Variants in FANK1 observed in about 807,000 individuals in gnomAD.
FANK1 encodes fibronectin type 3 and ankyrin repeat domains protein 1.
In FANK1, 44 loss-of-function variants were observed where a neutral mutation model predicts 45.3. The observed-to-expected ratio is 0.97, with a 90% CI of 0.76 to 1.25. The LOEUF is 1.25. Among genes scored for constraint, FANK1 ranks in the 50% most tolerant of loss-of-function variants. The probability of loss-of-function intolerance (pLI) is 0.00; values close to 1 mark genes in which losing one functional copy is unlikely to be tolerated. For synonymous variants in FANK1, 149 were observed against 152.5 expected (o/e 0.98, Z 0.17); for missense variants, 391 against 424.4 (o/e 0.92, Z 0.69).
At chr10:125,914,942 A>G (rs1946329818) in intron 1 of FANK1, among the ~76,000 whole-genome samples, 1 of 152,142 alleles carries the variant, frequency 6.6e-6, no homozygotes, top group Admixed American at 6.6e-5. Flanking sequence ...TCTGAGAGTG[A>G]GCTTGGCAGG....
At chr10:126,001,670 T>TGGC (rs1487670031) in intron 6 of FANK1, among the ~76,000 whole-genome samples, 1 of 152,144 alleles carries the variant, frequency 6.6e-6, no homozygotes, top group Non-Finnish European at 1.5e-5. Context: ...TGAGTTCAGA[T>TGGC]GGCAGTTGGG....
intron 1 of FANK1, among the ~76,000 whole-genome samples, chr10:125,964,316 C>T (rs1435277209): frequency 6.6e-6 from 1 of 151,332 alleles, no homozygotes; most frequent in South Asian, 2.1e-4. Flanking sequence ...CCTCAGCCTC[C>T]TGAGTAGCTC....
chr10:125,964,298 T>G (rs2134183002), intron 1 of FANK1, among the ~76,000 whole-genome samples: 1 of 151,104 alleles, frequency 6.6e-6, no homozygotes, highest in African/African-American at 2.4e-5. Flanking sequence ...ACTCAAGTGA[T>G]TCTCCTGCCT....
intron 1 of FANK1, among the ~76,000 whole-genome samples, chr10:125,951,911 C>G (rs1162507849): frequency 2.6e-5 from 4 of 152,248 alleles, no homozygotes; most frequent in Middle Eastern, 3.4e-3. Context: ...ATTGTGTAAC[C>G]AAATTATTCT....
chr10:125,925,956 CCTT>C (rs1947316923), intron 1 of FANK1, among the ~76,000 whole-genome samples: 2 of 151,978 alleles, frequency 1.3e-5, no homozygotes, highest in African/African-American at 4.8e-5. Context: ...TCCTTTCTTG[CCTT>C]CTTTTCAATT....
At chr10:125,943,446 A>G (rs991373914) in intron 1 of FANK1, among the ~76,000 whole-genome samples, 17 of 152,150 alleles carry the variant, frequency 1.1e-4, no homozygotes, top group Admixed American at 9.8e-4. Flanking sequence ...TCTATCTTCA[A>G]CATTTTCATC....
intron 1 of FANK1, among the ~76,000 whole-genome samples, chr10:125,961,787 A>T (rs184548736): frequency 6.6e-6 from 1 of 152,272 alleles, no homozygotes; most frequent in East Asian, 1.9e-4. Flanking sequence ...CTTTTCAAAA[A>T]ATAAAAGTTA....
intron 1 of FANK1, among the ~76,000 whole-genome samples, chr10:125,918,585 A>AATATATATATATATATATATATATATAT (rs1197525883): frequency 2.8e-5 from 2 of 70,976 alleles, no homozygotes; most frequent in African/African-American, 1.6e-4. Flanking sequence ...AAAAAAAAAA[A>AATATATATATATATATATATATATATAT]ATATATATAT....
intron 2 of FANK1, 103 bp downstream of exon 2, chr10:125,980,441 A>G (rs2134201699): frequency 7.9e-7 from 1 of 1,272,644 alleles, no homozygotes; most frequent in East Asian, 2.4e-5. Flanking sequence ...AAATTAAAGA[A>G]TGAGTCAGCA....
In FANK1 at chr10:125,908,647, G is replaced by T. The variant is rs1313448504; in HGVS notation, c.13+11992G>T. Among the ~76,000 whole-genome samples the T allele has an allele frequency of 2.0e-5, 3 of 152,140 alleles. No individual in the cohort carries two copies. In the East Asian group the frequency reaches 5.8e-4, roughly 29 times the overall value. ...GAGAAAAGACTATACATTGGGTACAGTGTACCCTGCTCGAGTGATGGGTGC... is the reference window on the plus strand; with the variant it reads ...GAGAAAAGACTATACATTGGGTACATTGTACCCTGCTCGAGTGATGGGTGC... On this transcript the variant is annotated intron_variant, in intron 1 of 10. Transcript: ENST00000368693.
Position 125,956,633 on chromosome 10 carries a change from C to T in FANK1, c.14-23528C>T, listed in dbSNP as rs569536866. Among the ~76,000 whole-genome samples the T allele has an allele frequency of 3.3e-5, 5 of 152,102 alleles. No homozygotes were observed. In the South Asian group the frequency reaches 1.0e-3, roughly 32 times the overall value. ...AGTAGAAAGTAATTTTATAGTTAGG[C>T]AGTTTAAAATTAAAATTATAGTTTA... On this transcript the variant is annotated intron_variant, in intron 1 of 10. Transcript: ENST00000368693.
At chr10:125,970,282 C>T (rs1044753097) in intron 1 of FANK1, among the ~76,000 whole-genome samples, 15 of 150,116 alleles carry the variant, frequency 1.0e-4, no homozygotes, top group East Asian at 2.0e-4. Context: ...GGCTGCTGGG[C>T]GGGGGCGCCC....
chr10:125,968,319 G>T (rs1236296855), intron 1 of FANK1, among the ~76,000 whole-genome samples: 1 of 152,104 alleles, frequency 6.6e-6, no homozygotes, highest in African/African-American at 2.4e-5. Flanking sequence ...ATGATAAACT[G>T]CTTTGAGGTG....
intron 1 of FANK1, among the ~76,000 whole-genome samples, chr10:125,971,294 ATCAG>A (rs1252783923): frequency 2.6e-5 from 4 of 152,010 alleles, no homozygotes. Context: ...GCAAGTAAAC[ATCAG>A]TCAAACTCTC....
In FANK1 at chr10:126,002,636, G is replaced by A. The variant is rs553938939; in HGVS notation, c.540-2248G>A. Among the ~76,000 whole-genome samples, 12 of 152,034 alleles carry A rather than the reference G, an allele frequency of 7.9e-5. No individual in the cohort carries two copies. The South Asian group carries it at 2.5e-3, about 32-fold the overall frequency. ...CGTTTCCCTATTGAGAAGATCTTCT[G>A]TTTTATTTTCCAACTCTCTATTTTG... On this transcript the variant is annotated intron_variant, in intron 6 of 10. Transcript: ENST00000368693.
At chr10:125,951,393 CAT>C (rs1949219329) in intron 1 of FANK1, among the ~76,000 whole-genome samples, 1 of 151,946 alleles carries the variant, frequency 6.6e-6, no homozygotes, top group Non-Finnish European at 1.5e-5. Context: ...AAATAGGAAT[CAT>C]GATTTTGGAG....
chr10:125,996,719 C>T, intron 5 of FANK1, 95 bp downstream of exon 5: 3 of 1,177,870 alleles, frequency 2.5e-6, no homozygotes, highest in South Asian at 1.4e-5. Context: ...GGAAAAAGGG[C>T]CATGGAGGAA....
chr10:125,931,141 C>T (rs558898643), intron 1 of FANK1, among the ~76,000 whole-genome samples: 2 of 152,132 alleles, frequency 1.3e-5, no homozygotes, highest in South Asian at 2.1e-4. Context: ...GTTGGTTCCA[C>T]GATTTTGGAA....
At chr10:125,922,261 C>T (rs2134130764) in intron 1 of FANK1, among the ~76,000 whole-genome samples, 1 of 152,278 alleles carries the variant, frequency 6.6e-6, no homozygotes, top group East Asian at 1.9e-4. Context: ...ATTCTGTCGT[C>T]AGAGAAAATA....
Sources: allele counts gnomAD v4.1 joint callset (sites outside exome capture counted in the v4.1 genomes callset), GRCh38; gene constraint gnomAD v4.1.1; transcripts MANE v1.5; gene names NCBI Gene and HGNC (gene_info 2026-07-23, HGNC 2026-07-21).